The following KYAT1 variants were observed in gnomAD, a reference collection of about 807,000 sequenced individuals.
KYAT1 encodes kynurenine--oxoglutarate transaminase 1.
Under a neutral mutation model 52.4 loss-of-function variants are expected in KYAT1, and 47 were observed. The observed-to-expected ratio is 0.90, with a 90% CI of 0.71 to 1.14. The LOEUF is 1.14. KYAT1 is among the 50% of genes most tolerant of loss of function. The pLI is 0.00. For missense variants in KYAT1, 480 were observed against 557.9 expected (o/e 0.86, Z 1.41); for synonymous variants, 212 against 209.6 (o/e 1.01, Z -0.10).
chr9:128,848,843 T>C (rs1257404584), intron 1 of KYAT1, among the ~76,000 whole-genome samples: 2 of 134,690 alleles, frequency 1.5e-5, no homozygotes, highest in Non-Finnish European at 3.2e-5. Flanking sequence ...AAAAAAAAAA[T>C]TGGGAGGCTG....
chr9:128,875,019 T>G (rs1204888245), intron 1 of KYAT1, among the ~76,000 whole-genome samples: 3 of 151,806 alleles, frequency 2.0e-5, no homozygotes, highest in Non-Finnish European at 4.4e-5. Context: ...GCCACTGCGC[T>G]CAGCCCAGGG....
intron 4 of KYAT1, 37 bp from the exon 5 acceptor site, chr9:128,838,174 C>A: frequency 1.2e-6 from 2 of 1,614,160 alleles, no homozygotes; most frequent in Non-Finnish European, 1.7e-6. Flanking sequence ...GTCAGCATGG[C>A]CCTGACCTCT....
At chr9:128,872,911 GAA>G (rs1013344794) in intron 1 of KYAT1, among the ~76,000 whole-genome samples, 2 of 149,116 alleles carry the variant, frequency 1.3e-5, no homozygotes, top group African/African-American at 5.0e-5. Context: ...CGTCCCTACT[GAA>G]AATACAAAAA....
Position 128,833,441 on chromosome 9 carries a change from A to C in KYAT1, c.*143T>G. 1 of 862,884 alleles carries C rather than the reference A, an allele frequency of 1.2e-6. No homozygotes were observed. The allele number at this position is 862,884 out of a possible 1,614,324, so 53.5% of individuals were successfully genotyped here. On this transcript the variant is annotated 3_prime_UTR_variant, in exon 13 of 13. Coordinates refer to ENST00000302586, the MANE Select transcript of KYAT1 (RefSeq NM_004059.5). Reference sequence around the variant, plus strand: ...AGATGAAGAAGGGCGGCTCCCACCCAGAACATTCTGTGTCACGGAGAAGAG... The same window carrying C: ...AGATGAAGAAGGGCGGCTCCCACCCCGAACATTCTGTGTCACGGAGAAGAG...
intron 7 of KYAT1, 162 bp from the exon 8 acceptor site, chr9:128,836,235 T>TTCCG: frequency 2.6e-6 from 1 of 388,270 alleles, no homozygotes. Flanking sequence ...TTCCTTTCCT[T>TTCCG]TCCTTCCTTC....
chr9:128,879,775 C>T (rs1261582821), intron 1 of KYAT1, among the ~76,000 whole-genome samples: 1 of 152,214 alleles, frequency 6.6e-6, no homozygotes, highest in African/African-American at 2.4e-5. Flanking sequence ...AGCCACATGT[C>T]CCCTCCCAGG....
chr9:128,834,235 G>A (rs552640762), intron 11 of KYAT1, among the ~76,000 whole-genome samples: 3 of 152,206 alleles, frequency 2.0e-5, no homozygotes, highest in Admixed American at 1.3e-4. Context: ...CAGCCTGGGC[G>A]AAAGAGAGAA....
intron 6 of KYAT1, among the ~76,000 whole-genome samples, chr9:128,837,394 C>G (rs1831316328): frequency 6.6e-6 from 1 of 152,256 alleles, no homozygotes; most frequent in Admixed American, 6.5e-5. Context: ...GGTCAGTTCC[C>G]TCAGGTTCCC....
intron 9 of KYAT1, 28 bp downstream of exon 9, chr9:128,835,751 T>TC: frequency 6.2e-7 from 1 of 1,606,192 alleles, no homozygotes; most frequent in Non-Finnish European, 8.5e-7. Context: ...GTCCCCCCAC[T>TC]CCCCCGTGAC....
chr9:128,866,052 G>A (rs979364650), intron 1 of KYAT1, among the ~76,000 whole-genome samples: 2 of 152,124 alleles, frequency 1.3e-5, no homozygotes, highest in African/African-American at 4.8e-5. Context: ...CTGCCATATG[G>A]TAAGTGTACA....
At chr9:128,837,384 G>C (rs1007674158) in intron 6 of KYAT1, among the ~76,000 whole-genome samples, 4 of 152,230 alleles carry the variant, frequency 2.6e-5, no homozygotes, top group African/African-American at 9.6e-5. Flanking sequence ...CTGACCATGA[G>C]GTCAGTTCCC....
chr9:128,863,763 C>T (rs893293022), intron 1 of KYAT1, among the ~76,000 whole-genome samples: 1 of 152,288 alleles, frequency 6.6e-6, no homozygotes, highest in East Asian at 1.9e-4. Context: ...CGCAAGGAGC[C>T]AGGCCCCTCG....
chr9:128,836,076 G>A lies in KYAT1; in HGVS notation c.689-3C>T, dbSNP rs1831036877. ...TTCCCACATGCCAGGGAGGCTGGCTGCCCAAGGCCGAACAGAACAGCTGCT... is the reference window on the plus strand; with the variant it reads ...TTCCCACATGCCAGGGAGGCTGGCTACCCAAGGCCGAACAGAACAGCTGCT... On this transcript the variant is annotated splice_polypyrimidine_tract_variant and splice_region_variant and intron_variant, in intron 7 of 12. Coordinates refer to ENST00000302586, the MANE Select transcript of KYAT1 (RefSeq NM_004059.5). 6.2e-7 allele frequency: 1 copy of A among 1,613,600 alleles called. No homozygotes were observed. The highest frequency in any genetic ancestry group is 1.1e-5 in the South Asian group (1 of 91,046).
chr9:128,837,066 G>A, intron 6 of KYAT1, 144 bp from the exon 7 acceptor site: 2 of 1,027,354 alleles, frequency 1.9e-6, no homozygotes, highest in Non-Finnish European at 2.8e-6. Flanking sequence ...GGCCGAGGCG[G>A]GCGGAACACT....
At chr9:128,843,065 G>C (rs1832479028) in intron 2 of KYAT1, among the ~76,000 whole-genome samples, 1 of 152,180 alleles carries the variant, frequency 6.6e-6, no homozygotes, top group Non-Finnish European at 1.5e-5. Context: ...TACTTGGAAG[G>C]CTGAGGCAGA....
intron 1 of KYAT1, among the ~76,000 whole-genome samples, chr9:128,858,180 T>C (rs1834934339): frequency 6.6e-6 from 1 of 151,676 alleles, no homozygotes; most frequent in Non-Finnish European, 1.5e-5. Flanking sequence ...GTGGGTCACC[T>C]GAGGTCAGGA....
chr9:128,838,093 T>C lies in KYAT1; in HGVS notation c.396A>G (p.Thr132=), dbSNP rs377022485. 1.9e-6 allele frequency: 3 copies of C among 1,613,978 alleles called. No homozygotes were observed. The highest frequency in any genetic ancestry group is 2.7e-5 in the African/African-American group (2 of 74,876). The change falls in exon 5 of 13, where the codon ACA becomes ACG. Residue 132 remains threonine, a synonymous_variant. Transcript: ENST00000302586. ...EPFFDCYEPM[T]MMAGGRPVFV... ...ACACAGGACGACCCCCTGCCATCAT[T>C]GTCATGGGCTCGTAGCAGTCAAAAA...
At position 128,854,275 on chromosome 9, in the gene KYAT1, ATACTT is replaced by A. The variant is rs533279304; in HGVS notation, c.-6-8869_-6-8865del. ...CAGATGCAACTTAATCTAGCACTCT[ATACTT>A]TAAATTTTTTTAACATTTATAGAAA... On this transcript the variant is annotated intron_variant, in intron 1 of 12. Coordinates refer to ENST00000302586, the MANE Select transcript of KYAT1 (RefSeq NM_004059.5). Among the ~76,000 whole-genome samples the A allele has an allele frequency of 6.3e-3, 953 of 152,380 alleles. 5 individuals carry two copies. The highest frequency in any genetic ancestry group is 0.017 in the Middle Eastern group (5 of 294).
In KYAT1 at chr9:128,835,320, C is replaced by T; in HGVS notation, c.1122+3G>A. 3 of 1,613,242 alleles carry T rather than the reference C, an allele frequency of 1.9e-6. No homozygotes were observed. The highest frequency in any genetic ancestry group is 1.1e-5 in the South Asian group (1 of 91,062). ...ATGGCTGCCTGGCAGAGGCCCAGCCCACCTTGTTCTTGATCATCCACTTGA... is the reference window on the plus strand; with the variant it reads ...ATGGCTGCCTGGCAGAGGCCCAGCCTACCTTGTTCTTGATCATCCACTTGA... On this transcript the variant is annotated splice_donor_region_variant and intron_variant, in intron 11 of 12. Coordinates refer to ENST00000302586, the MANE Select transcript of KYAT1 (RefSeq NM_004059.5).
Sources: allele counts gnomAD v4.1 joint callset (sites outside exome capture counted in the v4.1 genomes callset), GRCh38; gene constraint gnomAD v4.1.1; transcripts MANE v1.5; gene names NCBI Gene and HGNC (gene_info 2026-07-23, HGNC 2026-07-21).